CCBE1: variants seen among roughly 807,000 people sequenced by gnomAD.
CCBE1 encodes collagen and calcium-binding EGF domain-containing protein 1.
A neutral mutation model predicts 50.0 loss-of-function variants in CCBE1; 37 were observed. The ratio of observed to expected loss-of-function variants is 0.74; its 90% CI spans 0.57 to 0.97. The LOEUF is 0.97. CCBE1 is among the 50% of genes least tolerant of loss of function. The probability of loss-of-function intolerance (pLI) is 0.00; values close to 1 mark genes in which losing one functional copy is unlikely to be tolerated. For missense variants in CCBE1, 538 were observed against 523.8 expected, an observed-to-expected ratio of 1.03 and a Z score of -0.26; for synonymous variants, 234 against 203.7, an observed-to-expected ratio of 1.15 and a Z score of -1.27.
chr18:59,494,248 C>G (rs1200387221), intron 2 of CCBE1, among the ~76,000 whole-genome samples: 1 of 152,196 alleles, frequency 6.6e-6, no homozygotes, highest in Admixed American at 6.5e-5. Context: ...AAGGGGCACC[C>G]ATCCTCATTC....
intron 2 of CCBE1, among the ~76,000 whole-genome samples, chr18:59,614,168 G>A (rs561781212): frequency 1.3e-4 from 20 of 152,154 alleles, no homozygotes; most frequent in East Asian, 5.8e-4. Context: ...GCCATGCCCC[G>A]CTAATTTTTG....
At chr18:59,579,698 G>C (rs1321833594) in intron 2 of CCBE1, among the ~76,000 whole-genome samples, 1 of 152,212 alleles carries the variant, frequency 6.6e-6, no homozygotes, top group Non-Finnish European at 1.5e-5. Context: ...CAACAGAACG[G>C]AATGTTAGGC....
At chr18:59,470,479 A>G (rs1373584636) in intron 3 of CCBE1, among the ~76,000 whole-genome samples, 1 of 152,150 alleles carries the variant, frequency 6.6e-6, no homozygotes, top group Non-Finnish European at 1.5e-5. Flanking sequence ...GCCGATGCTT[A>G]TGTGTGTATA....
At chr18:59,593,806 C>G (rs1243701370) in intron 2 of CCBE1, among the ~76,000 whole-genome samples, 1 of 152,226 alleles carries the variant, frequency 6.6e-6, no homozygotes, top group African/African-American at 2.4e-5. Context: ...CTGATTAAGT[C>G]TGGGACATGA....
At chr18:59,456,141 C>T (rs1384213079) in intron 5 of CCBE1, among the ~76,000 whole-genome samples, 2 of 152,172 alleles carry the variant, frequency 1.3e-5, no homozygotes, top group African/African-American at 4.8e-5. Context: ...TGTGTCCCTC[C>T]CACTCACAGG....
intron 2 of CCBE1, among the ~76,000 whole-genome samples, chr18:59,621,253 C>T (rs1292106354): frequency 6.6e-6 from 1 of 152,180 alleles, no homozygotes; most frequent in Non-Finnish European, 1.5e-5. Context: ...TGAAAGAGTT[C>T]CTGCAGCTGT....
At chr18:59,569,623 C>A (rs146071155) in intron 2 of CCBE1, among the ~76,000 whole-genome samples, 54 of 130,176 alleles carry the variant, frequency 4.1e-4, no homozygotes, top group African/African-American at 1.5e-3. Flanking sequence ...AATTCATCTC[C>A]CCCCGCCCTT....
intron 2 of CCBE1, among the ~76,000 whole-genome samples, chr18:59,571,056 G>A (rs1303414026): frequency 6.6e-6 from 1 of 152,174 alleles, no homozygotes; most frequent in East Asian, 1.9e-4. Flanking sequence ...CCACTTCTGA[G>A]TATAATAGCA....
intron 2 of CCBE1, among the ~76,000 whole-genome samples, chr18:59,600,633 C>T (rs1023439744): frequency 3.9e-5 from 6 of 152,080 alleles, no homozygotes; most frequent in African/African-American, 1.4e-4. Flanking sequence ...CCCGGGTTAG[C>T]AAAGGTCCTC....
intron 2 of CCBE1, among the ~76,000 whole-genome samples, chr18:59,542,343 G>A (rs564279758): frequency 1.3e-5 from 2 of 151,878 alleles, no homozygotes; most frequent in South Asian, 2.1e-4. Context: ...TTTACAACAC[G>A]AGATTCTAGA....
In CCBE1 at chr18:59,433,934, C is replaced by T. The variant is rs1910040760; in HGVS notation, c.*1974G>A. The T allele has an allele frequency of 8.1e-6, 1 of 122,874 alleles. No individual in the cohort carries two copies. Among genetic ancestry groups the T allele is most frequent in the Admixed American group, 9.9e-5 (1 of 10,090 alleles). The allele number at this position is 122,874 out of a possible 1,614,324, so 7.6% of individuals were successfully genotyped here. A position where few individuals can be genotyped will look rare whatever the true frequency, so the allele number is the denominator to read the frequency against. On this transcript the variant is annotated 3_prime_UTR_variant, in exon 11 of 11. Coordinates refer to ENST00000439986, the MANE Select transcript of CCBE1 (RefSeq NM_133459.4). Reference sequence around the variant, plus strand: ...TTTTTTTTAATGAGACAGAGTCTCCCTCTGTTGCCTAGGCTGGAGTGCAGT... The same window carrying T: ...TTTTTTTTAATGAGACAGAGTCTCCTTCTGTTGCCTAGGCTGGAGTGCAGT...
In CCBE1 at chr18:59,431,270, C is replaced by T. The variant is rs1287567830; in HGVS notation, c.*4638G>A. The T allele has an allele frequency of 6.6e-6, 1 of 152,112 alleles. No homozygotes were observed. Among genetic ancestry groups the T allele is most frequent in the East Asian group, 1.9e-4 (1 of 5,198 alleles). 9.4% of individuals were successfully genotyped at this position (152,112 alleles called of 1,614,324 possible). A position where few individuals can be genotyped will look rare whatever the true frequency, so the allele number is the denominator to read the frequency against. ...TTACAGTCATGGTGTGTTTTGTTTT[C>T]CAAATGGAAAATTATTTTTGACTTG... On this transcript the variant is annotated 3_prime_UTR_variant, in exon 11 of 11. Transcript: ENST00000439986.
chr18:59,518,610 C>G (rs1282579756), intron 2 of CCBE1, among the ~76,000 whole-genome samples: 1 of 152,114 alleles, frequency 6.6e-6, no homozygotes, highest in Non-Finnish European at 1.5e-5. Flanking sequence ...AAGGTAGCTC[C>G]CCTTAAAATG....
intron 2 of CCBE1, among the ~76,000 whole-genome samples, chr18:59,558,922 G>T (rs939193900): frequency 6.6e-6 from 1 of 152,192 alleles, no homozygotes; most frequent in Non-Finnish European, 1.5e-5. Flanking sequence ...ATAAAATCAC[G>T]TTTCACCTGC....
At chr18:59,511,781 G>A (rs1244835522) in intron 2 of CCBE1, among the ~76,000 whole-genome samples, 1 of 152,102 alleles carries the variant, frequency 6.6e-6, no homozygotes, top group African/African-American at 2.4e-5. Flanking sequence ...AGGCTGTTGT[G>A]AGCACAACTC....
intron 2 of CCBE1, among the ~76,000 whole-genome samples, chr18:59,602,665 G>T (rs1032403957): frequency 1.3e-5 from 2 of 152,204 alleles, no homozygotes; most frequent in Non-Finnish European, 2.9e-5. Flanking sequence ...ATCACCATAA[G>T]CTGTAATAAC....
chr18:59,623,852 C>T (rs1191074641), intron 2 of CCBE1, among the ~76,000 whole-genome samples: 1 of 152,122 alleles, frequency 6.6e-6, no homozygotes, highest in African/African-American at 2.4e-5. Flanking sequence ...AATAAAAAAA[C>T]ACAAGCTGAA....
intron 6 of CCBE1, among the ~76,000 whole-genome samples, chr18:59,454,287 C>T (rs1911076085): frequency 6.6e-6 from 1 of 152,152 alleles, no homozygotes; most frequent in Non-Finnish European, 1.5e-5. Flanking sequence ...TCTTGTTGCC[C>T]AGGCTGGAGT....
At chr18:59,657,812 A>G (rs182282287) in intron 2 of CCBE1, among the ~76,000 whole-genome samples, 27 of 152,288 alleles carry the variant, frequency 1.8e-4, no homozygotes, top group African/African-American at 6.0e-4. Flanking sequence ...AATCGCTCGA[A>G]CCCGGGAGGT....
Sources: allele counts gnomAD v4.1 joint callset (sites outside exome capture counted in the v4.1 genomes callset), GRCh38; gene constraint gnomAD v4.1.1; transcripts MANE v1.5; gene names NCBI Gene and HGNC (gene_info 2026-07-23, HGNC 2026-07-21).